The following GPC6 variants were observed in gnomAD, a reference collection of about 807,000 sequenced individuals.
GPC6 encodes glypican 6.
In GPC6, 14 loss-of-function variants were observed where a neutral mutation model predicts 55.2. The ratio of observed to expected loss-of-function variants is 0.25; its 90% CI spans 0.17 to 0.40. The LOEUF (loss-of-function observed/expected upper bound fraction) is 0.40. Among genes scored for constraint, GPC6 ranks in the 10% least tolerant of loss-of-function variants. The pLI, the probability that GPC6 is intolerant of heterozygous loss-of-function variation, is 1.00. For missense variants in GPC6, 641 were observed against 708.5 expected, an observed-to-expected ratio of 0.90 and a Z score of 1.08; for synonymous variants, 278 against 259.6, an observed-to-expected ratio of 1.07 and a Z score of -0.68.
intron 3 of GPC6, among the ~76,000 whole-genome samples, chr13:93,998,032 G>A (rs1881634479): frequency 6.6e-6 from 1 of 152,176 alleles, no homozygotes; most frequent in Non-Finnish European, 1.5e-5. Flanking sequence ...ATGACTGTGA[G>A]TAATGTGGCC....
chr13:93,553,557 CG>C (rs1387842924), intron 2 of GPC6, among the ~76,000 whole-genome samples: 1 of 151,396 alleles, frequency 6.6e-6, no homozygotes, highest in African/African-American at 2.4e-5. Flanking sequence ...TAGCTGGGCA[CG>C]GGGGCATGCG....
At chr13:94,052,146 C>T (rs372854559) in intron 4 of GPC6, among the ~76,000 whole-genome samples, 4 of 152,202 alleles carry the variant, frequency 2.6e-5, no homozygotes, top group African/African-American at 9.6e-5. Flanking sequence ...GTTGAAAATG[C>T]TATAGCAAAA....
chr13:93,284,422 A>G (rs755030088), intron 1 of GPC6, among the ~76,000 whole-genome samples: 2 of 152,184 alleles, frequency 1.3e-5, no homozygotes, highest in South Asian at 2.1e-4. Context: ...TAATAGTTTT[A>G]TCAGGATTAA....
intron 6 of GPC6, among the ~76,000 whole-genome samples, chr13:94,341,738 T>C: frequency 6.6e-6 from 1 of 152,188 alleles, no homozygotes; most frequent in East Asian, 1.9e-4. Flanking sequence ...CTTGAATAAA[T>C]CTCAAACCAA....
intron 3 of GPC6, among the ~76,000 whole-genome samples, chr13:93,979,907 T>C (rs1370924924): frequency 6.6e-6 from 1 of 151,956 alleles, no homozygotes; most frequent in Non-Finnish European, 1.5e-5. Flanking sequence ...ATACAAGCAC[T>C]CTTATAAACT....
chr13:93,529,531 T>G (rs1457222158), intron 1 of GPC6, among the ~76,000 whole-genome samples: 1 of 147,654 alleles, frequency 6.8e-6, no homozygotes, highest in East Asian at 2.0e-4. Flanking sequence ...TTTTTTTTTT[T>G]TTGAGATGGA....
intron 2 of GPC6, among the ~76,000 whole-genome samples, chr13:93,763,324 C>T (rs533062337): frequency 3.3e-5 from 5 of 152,296 alleles, no homozygotes; most frequent in Admixed American, 6.5e-5. Context: ...CAAAGAATAG[C>T]ACAATTTCAT....
At chr13:93,719,069 G>GT (rs957829299) in intron 2 of GPC6, among the ~76,000 whole-genome samples, 10 of 151,682 alleles carry the variant, frequency 6.6e-5, no homozygotes, top group Non-Finnish European at 1.5e-5. Flanking sequence ...TATACGGGCT[G>GT]TTTTTTGGTT....
At chr13:94,000,321 AT>A (rs1251406586) in intron 3 of GPC6, among the ~76,000 whole-genome samples, 1 of 152,148 alleles carries the variant, frequency 6.6e-6, no homozygotes. Flanking sequence ...TTTGAAATCC[AT>A]TTATACTCTG....
rs190925828 is a variant in GPC6 at position 93,720,432 on chromosome 13, C to T, written c.320-109722C>T. 1.3e-3 allele frequency among the ~76,000 whole-genome samples: 199 copies of T among 151,596 alleles called. 1 individual carries two copies. Among genetic ancestry groups the T allele is most frequent in the Non-Finnish European group, 2.6e-3 (173 of 67,774 alleles). ...GATGATATCCCCTTTATCAGTTTTT[C>T]GTTTTGTCTATTTGATTCTTCTCTC... On this transcript the variant is annotated intron_variant, in intron 2 of 8. Transcript: ENST00000377047.
At chr13:94,228,680 A>G (rs1890628687) in intron 4 of GPC6, among the ~76,000 whole-genome samples, 1 of 152,168 alleles carries the variant, frequency 6.6e-6, no homozygotes, top group Non-Finnish European at 1.5e-5. Flanking sequence ...CCACACACGT[A>G]CACATAGGCC....
At chr13:93,789,534 T>G (rs1470767648) in intron 2 of GPC6, among the ~76,000 whole-genome samples, 1 of 117,368 alleles carries the variant, frequency 8.5e-6, no homozygotes, top group Non-Finnish European at 1.8e-5. Flanking sequence ...TATATATATA[T>G]AGTCAGTTAA....
At chr13:93,921,808 G>T (rs150691529) in intron 3 of GPC6, among the ~76,000 whole-genome samples, 6 of 151,888 alleles carry the variant, frequency 4.0e-5, no homozygotes, top group Non-Finnish European at 7.4e-5. Flanking sequence ...TCCAGGCTTG[G>T]GGTGCGAAAA....
intron 1 of GPC6, among the ~76,000 whole-genome samples, chr13:93,437,633 C>G (rs1877622590): frequency 1.3e-5 from 2 of 152,096 alleles, no homozygotes; most frequent in Non-Finnish European, 1.5e-5. Flanking sequence ...AAGGGAGATG[C>G]ACAAGAAAAT....
chr13:94,193,435 T>C (rs1329909814), intron 4 of GPC6, among the ~76,000 whole-genome samples: 3 of 152,168 alleles, frequency 2.0e-5, no homozygotes, highest in African/African-American at 7.2e-5. Flanking sequence ...CTCTGTGTTT[T>C]ATCCTCTGCT....
intron 4 of GPC6, among the ~76,000 whole-genome samples, chr13:94,283,376 A>G (rs1892442324): frequency 1.3e-5 from 2 of 152,240 alleles, no homozygotes; most frequent in South Asian, 4.1e-4. Flanking sequence ...CTTATACATT[A>G]ACTCCCAGCC....
At chr13:94,326,503 C>T (rs1473256626) in intron 6 of GPC6, among the ~76,000 whole-genome samples, 1 of 152,160 alleles carries the variant, frequency 6.6e-6, no homozygotes, top group African/African-American at 2.4e-5. Flanking sequence ...TCCACTTTCA[C>T]AAACAGGATG....
chr13:94,311,194 C>T (rs1035963730), intron 6 of GPC6, among the ~76,000 whole-genome samples: 16 of 151,854 alleles, frequency 1.1e-4, no homozygotes, highest in African/African-American at 3.9e-4. Flanking sequence ...CTGGTTTCCA[C>T]AATACCATTG....
At position 94,027,602 on chromosome 13, in the gene GPC6, G is replaced by C. The variant is rs374662011; in HGVS notation, c.712-127G>C. ...AGAAGAATTCAACAGGAATTGGATGGATTCAAGATCAGTAATTACAAAGGG... is the reference window on the plus strand; with the variant it reads ...AGAAGAATTCAACAGGAATTGGATGCATTCAAGATCAGTAATTACAAAGGG... On this transcript the variant is annotated intron_variant, in intron 3 of 8. Transcript: ENST00000377047. The C allele has an allele frequency of 5.3e-5, 43 of 818,136 alleles. No individual in the cohort carries two copies. The African/African-American group carries it at 5.9e-4, about 11-fold the overall frequency. The allele number at this position is 818,136 out of a possible 1,614,324, so 50.7% of individuals were successfully genotyped here.
Sources: allele counts gnomAD v4.1 joint callset (sites outside exome capture counted in the v4.1 genomes callset), GRCh38; gene constraint gnomAD v4.1.1; transcripts MANE v1.5; gene names NCBI Gene and HGNC (gene_info 2026-07-23, HGNC 2026-07-21).